PEAK1: variants seen among roughly 807,000 people sequenced by gnomAD.
PEAK1 encodes the protein inactive tyrosine-protein kinase PEAK1.
In PEAK1, 54 loss-of-function variants were observed where a neutral mutation model predicts 124.7. The ratio of observed to expected loss-of-function variants is 0.43; its 90% CI spans 0.35 to 0.54. The LOEUF (loss-of-function observed/expected upper bound fraction) is 0.54. Among genes scored for constraint, PEAK1 ranks in the 20% least tolerant of loss-of-function variants. The pLI, the probability that PEAK1 is intolerant of heterozygous loss-of-function variation, is 0.01. For synonymous variants in PEAK1, 719 were observed against 760.0 expected, an observed-to-expected ratio of 0.95 and a Z score of 0.89; for missense variants, 2,046 against 2,134.5, an observed-to-expected ratio of 0.96 and a Z score of 0.82.
At chr15:77,330,646 C>G (rs1447386814) in intron 2 of PEAK1, among the ~76,000 whole-genome samples, 1 of 152,158 alleles carries the variant, frequency 6.6e-6, no homozygotes, top group Admixed American at 6.5e-5. Context: ...TACTCTTACC[C>G]CAGATGTAAA....
intron 5 of PEAK1, chr15:77,278,449 C>T: frequency 6.6e-6 from 3 of 455,194 alleles, no homozygotes; most frequent in South Asian, 3.4e-5. Flanking sequence ...CTATGTCCTA[C>T]CACATCGCCA....
chr15:77,255,191 T>G lies in PEAK1; in HGVS notation c.-274-2665A>C, dbSNP rs542818198. The G allele has an allele frequency of 1.9e-3, 348 of 181,122 alleles. 3 individuals carry two copies. Among genetic ancestry groups the G allele is most frequent in the African/African-American group, 7.7e-3 (323 of 42,040 alleles). The allele number at this position is 181,122 out of a possible 1,614,324, so 11.2% of individuals were successfully genotyped here. The stretch of plus-strand genomic sequence containing the variant: ...ATTAACAATTTGTGAGAAGATATCT[T>G]GAATATCATACCAGTACCATGCCCA... On this transcript the variant is annotated intron_variant, in intron 5 of 9. Coordinates refer to ENST00000682557, the MANE Select transcript of PEAK1 (RefSeq NM_001385026.1).
intron 6 of PEAK1, among the ~76,000 whole-genome samples, chr15:77,189,566 C>G (rs1436388821): frequency 6.6e-6 from 1 of 152,234 alleles, no homozygotes; most frequent in African/African-American, 2.4e-5. Flanking sequence ...CAGGTGCTCA[C>G]TGCAGAATAA....
At chr15:77,232,657 GTTC>G (rs1449466539) in intron 6 of PEAK1, among the ~76,000 whole-genome samples, 3 of 152,180 alleles carry the variant, frequency 2.0e-5, no homozygotes, top group African/African-American at 4.8e-5. Context: ...AAGTGTTAAT[GTTC>G]TTCTTTAAGG....
chr15:77,334,579 T>G (rs2066081835), intron 2 of PEAK1: 1 of 985,328 alleles, frequency 1.0e-6, no homozygotes. Context: ...TCGGTTCCTT[T>G]CATATTGTCT....
rs183738140 is a variant in PEAK1, at chr15:77,232,882, A to G, written c.-115+19485T>C. On this transcript the variant is annotated intron_variant, in intron 6 of 9. Coordinates refer to ENST00000682557, the MANE Select transcript of PEAK1 (RefSeq NM_001385026.1). The stretch of plus-strand genomic sequence containing the variant: ...TGCCTCAGCCTCCTGAGTAGCTGGG[A>G]TAACAGGCACCTGCCACCACACCCG... 4.8e-3 allele frequency among the ~76,000 whole-genome samples: 732 copies of G among 152,262 alleles called. 4 individuals carry two copies. Among genetic ancestry groups the G allele is most frequent in the African/African-American group, 0.016 (676 of 41,572 alleles).
At chr15:77,269,091 A>G (rs2061889339) in intron 5 of PEAK1, among the ~76,000 whole-genome samples, 1 of 152,026 alleles carries the variant, frequency 6.6e-6, no homozygotes, top group African/African-American at 2.4e-5. Flanking sequence ...AGGACCTATA[A>G]AACAACAACA....
rs773896111 is a variant in PEAK1 at position 77,114,732 on chromosome 15, G to C, written c.4665C>G (p.Asn1555Lys). 6.2e-7 allele frequency: 1 copy of C among 1,613,400 alleles called. No homozygotes were observed. Among genetic ancestry groups the C allele is most frequent in the South Asian group, 1.1e-5 (1 of 91,040 alleles). Residue 1555 changes from asparagine (N) to lysine (K), a missense_variant, in exon 10 of 10, where the codon AAC becomes AAG. By Grantham distance (94) the Asn-to-Lys change is moderately conservative. Coordinates refer to ENST00000682557, the MANE Select transcript of PEAK1 (RefSeq NM_001385026.1). ...GGCTCTTCTGCTTGGCCTGAGAGAA[G>C]TTGCTCACTATAAGCCTAGTGGGAT... The part of the protein sequence containing the change: ...SSYPTRLIVS[N>K]FSQAKQKSHL...
At chr15:77,175,271 G>C (rs1455818628) in intron 7 of PEAK1, among the ~76,000 whole-genome samples, 1 of 152,228 alleles carries the variant, frequency 6.6e-6, no homozygotes, top group Admixed American at 6.5e-5. Context: ...TTAAACTAAA[G>C]AGCTTCTGCA....
At chr15:77,278,670 C>T in intron 5 of PEAK1, 1 of 522,614 alleles carries the variant, frequency 1.9e-6, no homozygotes. Flanking sequence ...GGGAATAAGC[C>T]TGCAGAAAAT....
At chr15:77,280,587 T>C (rs1052554140) in intron 5 of PEAK1, among the ~76,000 whole-genome samples, 3 of 151,980 alleles carry the variant, frequency 2.0e-5, no homozygotes, top group African/African-American at 7.3e-5. Flanking sequence ...TTTGAGCCTT[T>C]TCTTATTCTA....
At chr15:77,175,647 T>A (rs1344624439) in intron 7 of PEAK1, among the ~76,000 whole-genome samples, 1 of 152,210 alleles carries the variant, frequency 6.6e-6, no homozygotes, top group African/African-American at 2.4e-5. Flanking sequence ...ACTTTTACAC[T>A]GTTGGTGGGA....
intron 2 of PEAK1, chr15:77,348,775 T>C: frequency 1.0e-6 from 1 of 982,158 alleles, no homozygotes; most frequent in Non-Finnish European, 1.2e-6. Context: ...ATGATGAATA[T>C]CTTTTTTTCT....
chr15:77,342,173 A>AC (rs1491455144), intron 2 of PEAK1, among the ~76,000 whole-genome samples: 5 of 144,804 alleles, frequency 3.5e-5, no homozygotes, highest in African/African-American at 1.3e-4. Context: ...AAAAAAAAAA[A>AC]CACACACACA....
intron 2 of PEAK1, among the ~76,000 whole-genome samples, chr15:77,342,253 A>AC (rs1301294382): frequency 6.6e-6 from 1 of 151,800 alleles, no homozygotes; most frequent in Non-Finnish European, 1.5e-5. Flanking sequence ...GTTGTGAAAC[A>AC]CATCTCCAGA....
chr15:77,188,424 G>C lies in PEAK1; in HGVS notation c.-114-6384C>G, dbSNP rs576173359. Among the ~76,000 whole-genome samples, 4 of 152,236 alleles carry C rather than the reference G, an allele frequency of 2.6e-5. No homozygotes were observed. In the South Asian group the frequency reaches 8.3e-4, roughly 32 times the overall value. ...TAAATTCAAACTCTTTGACGAATCA[G>C]TTAACTACTACTAATAATAATTATT... On this transcript the variant is annotated intron_variant, in intron 6 of 9. Coordinates refer to ENST00000682557, the MANE Select transcript of PEAK1 (RefSeq NM_001385026.1).
chr15:77,418,559 G>C, intron 1 of PEAK1: 1 of 985,074 alleles, frequency 1.0e-6, no homozygotes, highest in South Asian at 4.7e-5. Context: ...TTGAAGCCAA[G>C]AAAATGTACC....
At chr15:77,142,664 C>T (rs1217831050) in intron 8 of PEAK1, among the ~76,000 whole-genome samples, 1 of 152,090 alleles carries the variant, frequency 6.6e-6, no homozygotes, top group Non-Finnish European at 1.5e-5. Context: ...TATGCTAAAA[C>T]ATGGAAAAAC....
At chr15:77,260,841 C>T (rs775569355) in intron 5 of PEAK1, among the ~76,000 whole-genome samples, 5 of 152,198 alleles carry the variant, frequency 3.3e-5, no homozygotes, top group Admixed American at 6.6e-5. Context: ...GGCTCCCTGA[C>T]GCCCAAGTAG....
Sources: allele counts gnomAD v4.1 joint callset (sites outside exome capture counted in the v4.1 genomes callset), GRCh38; gene constraint gnomAD v4.1.1; transcripts MANE v1.5; gene names NCBI Gene and HGNC (gene_info 2026-07-23, HGNC 2026-07-21).